Variants in DMXL2 observed in about 807,000 individuals in gnomAD.
DMXL2 encodes the protein Dmx like 2.
A neutral mutation model predicts 331.1 loss-of-function variants in DMXL2; 103 were observed. That is an observed-to-expected ratio of 0.31 (90% confidence interval 0.27 to 0.37). The LOEUF is 0.37. Among genes scored for constraint, DMXL2 ranks in the 10% least tolerant of loss-of-function variants. The pLI, the probability that DMXL2 is intolerant of heterozygous loss-of-function variation, is 1.00. For missense variants in DMXL2, 3,171 were observed against 3,642.9 expected, an observed-to-expected ratio of 0.87 and a Z score of 3.33; for synonymous variants, 1,281 against 1,252.1, an observed-to-expected ratio of 1.02 and a Z score of -0.49.
At chr15:51,566,233 GTGTGT>G (rs1340348199) in intron 3 of DMXL2, among the ~76,000 whole-genome samples, 31 of 14,596 alleles carry the variant, frequency 2.1e-3, no homozygotes, top group South Asian at 0.019. Context: ...TGTGTGTGGG[GTGTGT>G]GTGTGTGTGT....
rs754045972 is a variant in DMXL2 at position 51,542,497 on chromosome 15, T to C, written c.941A>G (p.His314Arg). The change falls in exon 9 of 44, where the codon CAT (histidine) becomes CGT (arginine). Residue 314 changes from histidine (H) to arginine (R), a missense_variant. This residue lies in a region of DMXL2 where 1,674 missense variants were observed against 1,780.2 expected (regional missense o/e 0.94). Transcript: ENST00000560891. ...RIQHALETIH[H>R]LKNLRKGQRR... Reference sequence around the variant, plus strand: ...CTGTCCTTTCCTTAAATTTTTCAAATGGTGTATTGTCTAAAATAGAAAAAT... The same window carrying C: ...CTGTCCTTTCCTTAAATTTTTCAAACGGTGTATTGTCTAAAATAGAAAAAT... 13 of 1,612,570 alleles carry C rather than the reference T, an allele frequency of 8.1e-6. No homozygotes were observed. The highest frequency in any genetic ancestry group is 5.5e-5 in the South Asian group (5 of 90,860).
chr15:51,593,828 C>T (rs577935061), intron 1 of DMXL2, among the ~76,000 whole-genome samples: 2 of 152,224 alleles, frequency 1.3e-5, no homozygotes, highest in African/African-American at 4.8e-5. Flanking sequence ...GGGTAAATAA[C>T]GAAATGAAGG....
chr15:51,539,358 A>G (rs1248795780), intron 9 of DMXL2, among the ~76,000 whole-genome samples: 1 of 152,226 alleles, frequency 6.6e-6, no homozygotes, highest in East Asian at 1.9e-4. Context: ...TAACTGTACT[A>G]TTCTTCCAAC....
At chr15:51,489,568 T>C (rs2042645000) in intron 20 of DMXL2, among the ~76,000 whole-genome samples, 1 of 151,614 alleles carries the variant, frequency 6.6e-6, no homozygotes, top group African/African-American at 2.4e-5. Flanking sequence ...GTTGGGAGAA[T>C]TGCTTCAACC....
At chr15:51,488,824 C>T (rs1302114728) in intron 20 of DMXL2, among the ~76,000 whole-genome samples, 179 bp from the exon 21 acceptor site, 3 of 152,160 alleles carry the variant, frequency 2.0e-5, no homozygotes, top group Non-Finnish European at 4.4e-5. Context: ...TAGAGATAAC[C>T]ATTCGCAAGC....
intron 1 of DMXL2, among the ~76,000 whole-genome samples, chr15:51,619,150 T>C (rs2042383821): frequency 6.6e-6 from 1 of 152,216 alleles, no homozygotes; most frequent in Non-Finnish European, 1.5e-5. Context: ...ACAATATCTG[T>C]TGCATAAACC....
chr15:51,522,545 G>A (rs1200562287), intron 13 of DMXL2, among the ~76,000 whole-genome samples: 10 of 152,328 alleles, frequency 6.6e-5, no homozygotes, highest in South Asian at 2.1e-4. Flanking sequence ...TCAGGAGGCT[G>A]AGGCACAAGA....
At chr15:51,570,871 C>A (rs1042982779) in intron 2 of DMXL2, among the ~76,000 whole-genome samples, 5 of 152,132 alleles carry the variant, frequency 3.3e-5, no homozygotes, top group Non-Finnish European at 5.9e-5. Flanking sequence ...GAAGAAACTG[C>A]ATCAATTAAC....
intron 3 of DMXL2, among the ~76,000 whole-genome samples, chr15:51,566,198 C>A (rs1259830013): frequency 6.7e-6 from 1 of 149,652 alleles, no homozygotes; most frequent in Non-Finnish European, 1.5e-5. Flanking sequence ...GGTCACAGAG[C>A]AAGACTCTAT....
At chr15:51,470,057 G>A (rs1415187878) in intron 29 of DMXL2, among the ~76,000 whole-genome samples, 2 of 152,172 alleles carry the variant, frequency 1.3e-5, no homozygotes, top group Non-Finnish European at 2.9e-5. Flanking sequence ...GAAGACCCAA[G>A]AATCTGCATT....
intron 1 of DMXL2, among the ~76,000 whole-genome samples, chr15:51,592,709 G>A (rs2052478199): frequency 6.6e-6 from 1 of 152,226 alleles, no homozygotes; most frequent in African/African-American, 2.4e-5. Flanking sequence ...ACTAACAGCT[G>A]ATCTCTCGGC....
intron 6 of DMXL2, among the ~76,000 whole-genome samples, chr15:51,549,906 G>T (rs575481360): frequency 6.6e-6 from 1 of 152,028 alleles, no homozygotes; most frequent in Admixed American, 6.6e-5. Flanking sequence ...CCCACTCTGT[G>T]GACTGTCTGT....
At chr15:51,453,682 G>T in intron 40 of DMXL2, 41 bp from the exon 41 acceptor site, 1 of 1,490,860 alleles carries the variant, frequency 6.7e-7, no homozygotes, top group South Asian at 1.1e-5. Context: ...TTTACCATTG[G>T]ATAAAATTTG....
chr15:51,598,891 G>T (rs1363898198), intron 1 of DMXL2, among the ~76,000 whole-genome samples: 2 of 152,156 alleles, frequency 1.3e-5, no homozygotes, highest in Non-Finnish European at 2.9e-5. Flanking sequence ...TTGAGATTAT[G>T]TAAATATCCT....
At chr15:51,468,961 G>A (rs78634597) in intron 29 of DMXL2, among the ~76,000 whole-genome samples, 3 of 148,662 alleles carry the variant, frequency 2.0e-5, no homozygotes, top group African/African-American at 7.4e-5. Flanking sequence ...GTTAAAAAAA[G>A]AGAGAGAGAG....
intron 43 of DMXL2, 66 bp downstream of exon 43, chr15:51,450,062 GT>G (rs1480309301): frequency 1.4e-6 from 2 of 1,385,274 alleles, no homozygotes; most frequent in African/African-American, 2.9e-5. Context: ...TTCAAAGAAT[GT>G]GGAGTTTTTG....
chr15:51,514,390 G>A, intron 15 of DMXL2, 52 bp downstream of exon 15: 1 of 1,070,098 alleles, frequency 9.3e-7, no homozygotes, highest in Non-Finnish European at 1.4e-6. Flanking sequence ...AAAACTTAGA[G>A]ATCATTTTTT....
chr15:51,557,781 A>G (rs372161039), intron 6 of DMXL2, among the ~76,000 whole-genome samples: 11 of 152,184 alleles, frequency 7.2e-5, no homozygotes, highest in African/African-American at 2.4e-4. Flanking sequence ...GAAAGGGAAG[A>G]TTTTTTCCAA....
chr15:51,608,013 C>A (rs528243885), intron 1 of DMXL2, among the ~76,000 whole-genome samples: 1 of 152,040 alleles, frequency 6.6e-6, no homozygotes, highest in East Asian at 1.9e-4. Flanking sequence ...TGGTGAAACC[C>A]TTCTCTCCTA....
Sources: allele counts gnomAD v4.1 joint callset (sites outside exome capture counted in the v4.1 genomes callset), GRCh38; gene constraint gnomAD v4.1.1; regional missense constraint gnomAD v4.1.1; transcripts MANE v1.5; gene names NCBI Gene and HGNC (gene_info 2026-07-23, HGNC 2026-07-21).